CC2D1A: variants seen among roughly 807,000 people sequenced by gnomAD.
The protein encoded by CC2D1A is coiled-coil and C2 domain-containing protein 1A.
CC2D1A carries 68 observed loss-of-function variants against 123.8 expected under a neutral mutation model. The observed-to-expected ratio is 0.55, with a 90% CI of 0.45 to 0.67. CC2D1A has a LOEUF of 0.67. Ranked by LOEUF, CC2D1A falls within the 30% of genes least tolerant of loss-of-function variation. The pLI is 0.00. For synonymous variants in CC2D1A, 477 were observed against 528.0 expected (o/e 0.90, Z 1.32); for missense variants, 1,185 against 1,290.3 (o/e 0.92, Z 1.25).
At position 13,926,591 on chromosome 19, in the gene CC2D1A, G is replaced by A; in HGVS notation, c.2014+1G>A. 6.2e-7 allele frequency: 1 copy of A among 1,614,140 alleles called. No homozygotes were observed. On this transcript the variant is annotated splice_donor_variant, in intron 18 of 28. Transcript: ENST00000318003. LOFTEE classifies it high-confidence loss of function. ...GGCATCAACTTGCCCACACCCCCAG[G>A]TGAGGGGGCTGTAGGCAAGGGTCAG...
chr19:13,926,942 C>G (rs1971665091), intron 20 of CC2D1A, 36 bp from the exon 21 acceptor site: 1 of 1,611,860 alleles, frequency 6.2e-7, no homozygotes, highest in Non-Finnish European at 8.5e-7. Context: ...AATGGCCTGA[C>G]CCCACCCAAC....
chr19:13,927,768 C>T (rs1271697354), intron 22 of CC2D1A, 125 bp from the exon 23 acceptor site: 35 of 999,146 alleles, frequency 3.5e-5, no homozygotes, highest in South Asian at 9.5e-5. Flanking sequence ...GACAACAGAG[C>T]GAGACTCTAT....
At chr19:13,917,743 C>T (rs1971255113) in intron 6 of CC2D1A, among the ~76,000 whole-genome samples, 2 of 152,096 alleles carry the variant, frequency 1.3e-5, no homozygotes, top group Non-Finnish European at 2.9e-5. Flanking sequence ...CTTTGGGAGT[C>T]CAAGGTGGGC....
In CC2D1A at chr19:13,913,439, C is replaced by A. The variant is rs766590878; in HGVS notation, c.549C>A (p.Gly183=). The A allele has an allele frequency of 6.2e-7, 1 of 1,614,196 alleles. No homozygotes were observed. The highest frequency in any genetic ancestry group is 1.7e-5 in the Admixed American group (1 of 60,028). Residue 183 remains glycine, a synonymous_variant, in exon 6 of 29, where the codon GGC becomes GGA. Transcript: ENST00000318003. ...LENLLASIRK[G]NAIDEADIPP... Reference sequence around the variant, plus strand: ...ACCTGCTCGCCTCCATCCGTAAGGGCAATGCCATTGACGAAGCGGACATCC... The same window carrying A: ...ACCTGCTCGCCTCCATCCGTAAGGGAAATGCCATTGACGAAGCGGACATCC...
At chr19:13,925,013 C>G (rs1179294296) in intron 17 of CC2D1A, among the ~76,000 whole-genome samples, 2 of 152,126 alleles carry the variant, frequency 1.3e-5, no homozygotes, top group African/African-American at 2.4e-5. Context: ...CCGCCTTCAC[C>G]CTCTTCCTCA....
chr19:13,913,342 A>T, intron 5 of CC2D1A, 40 bp downstream of exon 5: 2 of 1,605,988 alleles, frequency 1.2e-6, no homozygotes, highest in Non-Finnish European at 1.7e-6. Context: ...CCCCCCGCCA[A>T]CCCCGATGCC....
intron 1 of CC2D1A, 115 bp from the exon 2 acceptor site, chr19:13,909,708 G>A (rs967005391): frequency 1.5e-6 from 2 of 1,363,600 alleles, no homozygotes; most frequent in Middle Eastern, 3.6e-4. Context: ...CCAGGGAAAT[G>A]GCTTTCCCTG....
Position 13,909,901 on chromosome 19 carries a change from G to A in CC2D1A, c.139G>A (p.Glu47Lys), listed in dbSNP as rs1970935304. 6.4e-7 allele frequency: 1 copy of A among 1,558,306 alleles called. No individual in the cohort carries two copies. Among genetic ancestry groups the A allele is most frequent in the Non-Finnish European group, 8.7e-7 (1 of 1,150,768 alleles). The stretch of plus-strand genomic sequence containing the variant: ...GGCTAACGATGAAGAACTGGAGGCT[G>A]AGTTCTTGGCTTTGGTCGGGGGCCA... ...DGANDEELEAEFLALVGGQPP... is the reference protein window; with the variant it reads ...DGANDEELEAKFLALVGGQPP... The change falls in exon 2 of 29, where the codon GAG (glutamate) becomes AAG (lysine). Residue 47 changes from glutamate (E) to lysine (K), a missense_variant. Physicochemically the swap from Glu to Lys is moderately conservative, Grantham distance 56 (BLOSUM62 1). Transcript: ENST00000318003.
intron 6 of CC2D1A, among the ~76,000 whole-genome samples, chr19:13,915,468 C>T (rs866594549): frequency 6.6e-6 from 1 of 152,086 alleles, no homozygotes; most frequent in African/African-American, 2.4e-5. Context: ...AGGCTGGTCT[C>T]GAACTCCTGA....
intron 10 of CC2D1A, 28 bp from the exon 11 acceptor site, chr19:13,919,102 G>A (rs1431946063): frequency 6.2e-7 from 1 of 1,604,808 alleles, no homozygotes; most frequent in Non-Finnish European, 8.5e-7. Flanking sequence ...CCTCCCACAG[G>A]CAGCCCTAAC....
At chr19:13,925,081 C>T (rs1243756702) in intron 17 of CC2D1A, among the ~76,000 whole-genome samples, 3 of 152,184 alleles carry the variant, frequency 2.0e-5, no homozygotes, top group Admixed American at 6.6e-5. Context: ...GTCACCTTCC[C>T]TCTAAGAGGC....
chr19:13,907,627 G>A (rs182784630), intron 1 of CC2D1A, among the ~76,000 whole-genome samples: 128 of 151,970 alleles, frequency 8.4e-4, no homozygotes, highest in Admixed American at 3.5e-3. Flanking sequence ...AGCTGAGATC[G>A]CGCCACTGCA....
At chr19:13,916,128 A>C (rs1908924445) in intron 6 of CC2D1A, among the ~76,000 whole-genome samples, 1 of 152,164 alleles carries the variant, frequency 6.6e-6, no homozygotes, top group Non-Finnish European at 1.5e-5. Flanking sequence ...GTGGTGGTGC[A>C]TGCTGGTAGT....
chr19:13,928,035 G>T lies in CC2D1A; in HGVS notation c.2454+5G>T. 2 of 1,613,238 alleles carry T rather than the reference G, an allele frequency of 1.2e-6. No homozygotes were observed. The highest frequency in any genetic ancestry group is 1.7e-6 in the Non-Finnish European group (2 of 1,179,600). Reference sequence around the variant, plus strand: ...GTGCCGGCAGCTGTGCCCACAGTGAGACCCCCCACCCCCACCCATCAGCAA... The same window carrying T: ...GTGCCGGCAGCTGTGCCCACAGTGATACCCCCCACCCCCACCCATCAGCAA... On this transcript the variant is annotated splice_donor_5th_base_variant and intron_variant, in intron 23 of 28. Transcript: ENST00000318003.
chr19:13,918,413 T>C, intron 7 of CC2D1A, 91 bp from the exon 8 acceptor site: 2 of 1,289,398 alleles, frequency 1.6e-6, no homozygotes, highest in Admixed American at 4.9e-5. Flanking sequence ...GAGCTAGAAG[T>C]CCTCGGTGGC....
chr19:13,929,656 A>G lies in CC2D1A; in HGVS notation c.2706A>G (p.Arg902=), dbSNP rs1310521410. Residue 902 remains arginine, a synonymous_variant, in exon 26 of 29, where the codon CGA becomes CGG. Transcript: ENST00000318003. The stretch of plus-strand genomic sequence containing the variant: ...TGGAGCAGGGGGGTGTGGGCATCCG[A>G]CGGGGTAGGGGTTTGGAGATGGGCA... ...AQLEQGGVGI[R]REYAAQLERQ... is the part of the protein sequence containing the mutation. 7.2e-7 allele frequency: 1 copy of G among 1,396,078 alleles called. No individual in the cohort carries two copies. The highest frequency in any genetic ancestry group is 9.4e-7 in the Non-Finnish European group (1 of 1,060,396). 86.5% of individuals were successfully genotyped at this position (1,396,078 alleles called of 1,614,324 possible).
intron 1 of CC2D1A, among the ~76,000 whole-genome samples, chr19:13,909,139 G>A (rs1215601319): frequency 6.6e-6 from 1 of 151,980 alleles, no homozygotes. Flanking sequence ...TTGGGAGGCC[G>A]AGGCGGGCAG....
chr19:13,920,308 G>A, intron 12 of CC2D1A: 1 of 536,650 alleles, frequency 1.9e-6, no homozygotes, highest in Non-Finnish European at 3.2e-6. Flanking sequence ...CCGGGAGGCA[G>A]AGGTTGCAGT....
chr19:13,915,586 G>A (rs1243923619), intron 6 of CC2D1A, among the ~76,000 whole-genome samples: 1 of 152,184 alleles, frequency 6.6e-6, no homozygotes, highest in Non-Finnish European at 1.5e-5. Flanking sequence ...AGATGTAGTG[G>A]CTCATGCCTG....
Sources: gnomAD v4.1 joint callset for allele counts (sites outside exome capture counted in the v4.1 genomes callset) on GRCh38, gnomAD v4.1.1 for gene constraint, MANE v1.5 for transcripts, NCBI Gene and HGNC (gene_info 2026-07-23, HGNC 2026-07-21) for gene names.